SYNE2: variants seen among roughly 807,000 people sequenced by gnomAD.
SYNE2 encodes the protein nesprin-2.
In SYNE2, 431 loss-of-function variants were observed where a neutral mutation model predicts 856.3. The ratio of observed to expected loss-of-function variants is 0.50; its 90% CI spans 0.47 to 0.55. The LOEUF is 0.55. Among genes scored for constraint, SYNE2 ranks in the 20% least tolerant of loss-of-function variants. The pLI, the probability that SYNE2 is intolerant of heterozygous loss-of-function variation, is 0.00. For synonymous variants in SYNE2, 2,923 were observed against 2,872.3 expected (o/e 1.02, Z -0.56); for missense variants, 8,129 against 8,023.2 (o/e 1.01, Z -0.50).
chr14:63,927,314 G>A (rs2095681638), intron 2 of SYNE2, among the ~76,000 whole-genome samples: 1 of 152,136 alleles, frequency 6.6e-6, no homozygotes, highest in Non-Finnish European at 1.5e-5. Context: ...GTGGATGGCT[G>A]AGGCAGGAGG....
intron 1 of SYNE2, among the ~76,000 whole-genome samples, chr14:63,806,703 C>T (rs191930957): frequency 8.6e-4 from 130 of 151,950 alleles, no homozygotes; most frequent in African/African-American, 3.0e-3. Context: ...TTTTGTATTG[C>T]TTTCTTTTTT....
At chr14:63,912,235 A>G (rs954677926) in intron 2 of SYNE2, among the ~76,000 whole-genome samples, 3 of 152,246 alleles carry the variant, frequency 2.0e-5, no homozygotes, top group Admixed American at 6.5e-5. Context: ...CTTTCAGCCT[A>G]AGTTGTTGAA....
chr14:64,189,058 G>C, intron 98 of SYNE2: 2 of 692,984 alleles, frequency 2.9e-6, no homozygotes, highest in Non-Finnish European at 5.3e-6. Context: ...CCTTGGCCTG[G>C]CGTGGTGGCT....
In SYNE2 at chr14:64,000,628, C is replaced by G. The variant is rs779115910; in HGVS notation, c.3547C>G (p.His1183Asp). The G allele has an allele frequency of 6.2e-7, 1 of 1,613,378 alleles. No homozygotes were observed. The highest frequency in any genetic ancestry group is 8.5e-7 in the Non-Finnish European group (1 of 1,179,684). Residue 1183 changes from histidine (H) to aspartate (D), a missense_variant, in exon 28 of 116, where the codon CAT becomes GAT. By Grantham distance (81) the His-to-Asp change is moderately conservative. Around this residue, in one of 3 missense-constraint regions of SYNE2, gnomAD observed 2,422 missense variants for 2,357.4 expected, o/e 1.03. Transcript: ENST00000555002. ...FEIISLKLEN[H>D]VNDIKKPFVI... The stretch of plus-strand genomic sequence containing the variant: ...AATTATTTCATTGAAGTTAGAAAAT[C>G]ATGTGAATGACATAAAAAAGCCTTT...
intron 108 of SYNE2, among the ~76,000 whole-genome samples, chr14:64,217,534 CCTCTT>C (rs1216619840): frequency 6.6e-6 from 1 of 152,230 alleles, no homozygotes; most frequent in Non-Finnish European, 1.5e-5. Flanking sequence ...AGAAACACTT[CCTCTT>C]GCTTAACAAG....
intron 1 of SYNE2, among the ~76,000 whole-genome samples, chr14:63,854,183 T>C (rs915656229): frequency 1.8e-4 from 25 of 142,648 alleles, no homozygotes; most frequent in African/African-American, 6.5e-4. Flanking sequence ...TTTTTTTGAG[T>C]TTGTTTTATT....
chr14:63,790,452 ACCC>A (rs1887694455), intron 1 of SYNE2, among the ~76,000 whole-genome samples: 1 of 152,090 alleles, frequency 6.6e-6, no homozygotes, highest in Non-Finnish European at 1.5e-5. Flanking sequence ...CTCAAAGTTT[ACCC>A]CTCCGCCATG....
At chr14:63,948,806 A>ATGTG (rs1566885132) in intron 6 of SYNE2, among the ~76,000 whole-genome samples, 23 of 102,758 alleles carry the variant, frequency 2.2e-4, no homozygotes, top group Admixed American at 4.2e-4. Flanking sequence ...ATATATATAT[A>ATGTG]TATATATATA....
At chr14:64,213,152 T>A in intron 105 of SYNE2, 147 bp downstream of exon 105, 1 of 823,896 alleles carries the variant, frequency 1.2e-6, no homozygotes, top group Non-Finnish European at 1.9e-6. Context: ...CAAAACATTT[T>A]AATTTCCACT....
intron 44 of SYNE2, among the ~76,000 whole-genome samples, chr14:64,030,378 A>C (rs2097023673): frequency 6.6e-6 from 1 of 152,226 alleles, no homozygotes; most frequent in Non-Finnish European, 1.5e-5. Flanking sequence ...AGTTGGATGA[A>C]TGAATGATTG....
At chr14:63,996,187 C>T (rs142894972) in intron 23 of SYNE2, among the ~76,000 whole-genome samples, 45 of 152,296 alleles carry the variant, frequency 3.0e-4, no homozygotes, top group Non-Finnish European at 5.4e-4. Context: ...GACGCCCTTC[C>T]TCTCCTTCCT....
chr14:64,183,306 C>T (rs1376475021), intron 96 of SYNE2, among the ~76,000 whole-genome samples: 1 of 143,828 alleles, frequency 7.0e-6, no homozygotes, highest in Non-Finnish European at 1.5e-5. Flanking sequence ...GGCGCTCCTC[C>T]CATCCCAGAC....
chr14:63,832,956 G>T (rs1421460516), intron 1 of SYNE2, among the ~76,000 whole-genome samples: 3 of 151,348 alleles, frequency 2.0e-5, no homozygotes, highest in Non-Finnish European at 4.4e-5. Context: ...GGTCAAGGCT[G>T]CAGTGAGCTG....
chr14:64,101,694 G>A (rs867238755), intron 63 of SYNE2, among the ~76,000 whole-genome samples: 1 of 152,154 alleles, frequency 6.6e-6, no homozygotes, highest in Non-Finnish European at 1.5e-5. Context: ...TGTGACGTGA[G>A]CCGAGCCCCT....
At chr14:63,884,260 T>C (rs146651111) in intron 1 of SYNE2, among the ~76,000 whole-genome samples, 1 of 152,292 alleles carries the variant, frequency 6.6e-6, no homozygotes, top group Non-Finnish European at 1.5e-5. Context: ...GCAGTTTCAC[T>C]GGCATGACCT....
At chr14:63,974,890 G>GTATATATATATA (rs1281921502) in intron 11 of SYNE2, among the ~76,000 whole-genome samples, 28 of 27,494 alleles carry the variant, frequency 1.0e-3, no homozygotes, top group East Asian at 4.9e-3. Flanking sequence ...GTGTGTGTGT[G>GTATATATATATA]TGTATATATA....
intron 51 of SYNE2, among the ~76,000 whole-genome samples, chr14:64,068,705 C>CA (rs529092112): frequency 7.2e-4 from 108 of 151,006 alleles, no homozygotes; most frequent in Admixed American, 1.9e-3. Flanking sequence ...ACTAAAAATA[C>CA]AAAAAAAATA....
At chr14:63,911,151 T>C (rs984767080) in intron 2 of SYNE2, among the ~76,000 whole-genome samples, 35 of 152,090 alleles carry the variant, frequency 2.3e-4, no homozygotes, top group African/African-American at 8.5e-4. Flanking sequence ...TAAGGGGCCA[T>C]ATTCTCCCTG....
At chr14:63,931,828 A>G (rs1209222578) in intron 2 of SYNE2, among the ~76,000 whole-genome samples, 1 of 152,174 alleles carries the variant, frequency 6.6e-6, no homozygotes, top group African/African-American at 2.4e-5. Context: ...CAGAAGTTCA[A>G]GTTATAGTCT....
Sources: gnomAD v4.1 joint callset for allele counts (sites outside exome capture counted in the v4.1 genomes callset) on GRCh38, gnomAD v4.1.1 for gene constraint, gnomAD v4.1.1 regional missense constraint, MANE v1.5 for transcripts, NCBI Gene and HGNC (gene_info 2026-07-23, HGNC 2026-07-21) for gene names.